WDR11: variants seen among roughly 807,000 people sequenced by gnomAD.
WDR11 encodes WD repeat-containing protein 11.
WDR11 carries 83 observed loss-of-function variants against 151.2 expected under a neutral mutation model. The ratio of observed to expected loss-of-function variants is 0.55; its 90% CI spans 0.46 to 0.66. The LOEUF (loss-of-function observed/expected upper bound fraction) is 0.66, where lower values mean the gene tolerates loss of function less well. Ranked by LOEUF, WDR11 falls within the 30% of genes least tolerant of loss-of-function variation. The pLI is 0.00. For synonymous variants in WDR11, 484 were observed against 533.1 expected, an observed-to-expected ratio of 0.91 and a Z score of 1.27; for missense variants, 1,301 against 1,480.9, an observed-to-expected ratio of 0.88 and a Z score of 1.99.
chr10:120,862,076 G>T (rs1014634287), intron 4 of WDR11, among the ~76,000 whole-genome samples: 9 of 151,590 alleles, frequency 5.9e-5, no homozygotes, highest in African/African-American at 9.7e-5. Flanking sequence ...CTTAAGTATG[G>T]TTTTTTGTTT....
chr10:120,859,910 C>T (rs1304045799), intron 3 of WDR11, among the ~76,000 whole-genome samples, 199 bp from the exon 4 acceptor site: 2 of 151,748 alleles, frequency 1.3e-5, no homozygotes, highest in Non-Finnish European at 2.9e-5. Flanking sequence ...TTTAACCAGA[C>T]AACTTATTTT....
At chr10:120,907,556 C>G (rs2133821052) in intron 28 of WDR11, 1 of 150,878 alleles carries the variant, frequency 6.6e-6, no homozygotes, top group Non-Finnish European at 1.5e-5. Context: ...ATGGCAGGTA[C>G]TTGGTTCTCT....
In WDR11 at chr10:120,900,107, A is replaced by T. The variant is rs1200061545; in HGVS notation, c.2594A>T (p.Asn865Ile). The change falls in exon 20 of 29, where the codon AAT becomes ATT. Residue 865 changes from asparagine to isoleucine, a missense_variant. By Grantham distance (149) the Asn-to-Ile change is moderately radical (BLOSUM62 -3). Coordinates refer to ENST00000263461, the MANE Select transcript of WDR11 (RefSeq NM_018117.12). The stretch of plus-strand genomic sequence containing the variant: ...GCCTTCTTATTACACCAGCCTTGGA[A>T]TGGACAGTATTCTTTGGACATTTCT... ...LKAFLLHQPW[N>I]GQYSLDISHV... The T allele has an allele frequency of 1.2e-6, 2 of 1,613,870 alleles. No individual in the cohort carries two copies. The highest frequency in any genetic ancestry group is 8.5e-7 in the Non-Finnish European group (1 of 1,179,758).
rs1474540530 is a variant in WDR11 at position 120,866,580 on chromosome 10, G to T, written c.1006G>T (p.Val336Phe). The change falls in exon 8 of 29, where the codon GTT becomes TTT. Residue 336 changes from valine (V) to phenylalanine (F), a missense_variant. Val to Phe is a conservative substitution (Grantham distance 50). Around this residue, in one of 3 missense-constraint regions of WDR11, gnomAD observed 692 missense variants for 762.5 expected, o/e 0.91. Transcript: ENST00000263461. ...TSNEEPDPDP[V>F]QELTYDLRSQ... ...AATTTTATGTGAAGATCCAGATCCA[G>T]TTCAGGAGCTTACCTATGATTTACG... 1.2e-6 allele frequency: 2 copies of T among 1,614,100 alleles called. No individual in the cohort carries two copies. Among genetic ancestry groups the T allele is most frequent in the East Asian group, 4.5e-5 (2 of 44,874 alleles).
chr10:120,880,656 C>CAAAA, intron 12 of WDR11, 170 bp from the exon 13 acceptor site: 1 of 535,074 alleles, frequency 1.9e-6, no homozygotes, highest in Non-Finnish European at 3.2e-6. Context: ...GAGACCATCT[C>CAAAA]AAAAAAAAAA....
At chr10:120,875,095 T>A (rs1439305284) in intron 11 of WDR11, among the ~76,000 whole-genome samples, 2 of 152,198 alleles carry the variant, frequency 1.3e-5, no homozygotes, top group Non-Finnish European at 2.9e-5. Context: ...GTTAGTCTGC[T>A]GAGAATGATG....
chr10:120,907,551 A>C (rs907009628), intron 28 of WDR11: 11 of 151,122 alleles, frequency 7.3e-5, no homozygotes, highest in Non-Finnish European at 1.2e-4. Flanking sequence ...TCTACATGGC[A>C]GGTACTTGGT....
chr10:120,852,382 T>A, intron 1 of WDR11, 142 bp from the exon 2 acceptor site: 1 of 689,628 alleles, frequency 1.5e-6, no homozygotes. Flanking sequence ...AGTGGGATAA[T>A]GATAAATACT....
rs555298567 is a variant in WDR11, at chr10:120,903,162, C to T, written c.2861C>T (p.Ala954Val). The part of the protein sequence containing the change: ...SASTTAPKEA[A>V]PRDKLSNPLD... ...AGCACAACAGCTCCTAAAGAAGCTG[C>T]TCCTCGAGACAAACTGAGCAACCCA... The change falls in exon 23 of 29, where the codon GCT (alanine) becomes GTT (valine). Residue 954 changes from alanine (A) to valine (V), a missense_variant. By Grantham distance (64) the Ala-to-Val change is moderately conservative. Around this residue, in one of 3 missense-constraint regions of WDR11, gnomAD observed 589 missense variants for 670.6 expected, o/e 0.88. Coordinates refer to ENST00000263461, the MANE Select transcript of WDR11 (RefSeq NM_018117.12). The T allele has an allele frequency of 1.7e-5, 28 of 1,614,222 alleles. No homozygotes were observed. In the Admixed American group the frequency reaches 2.7e-4, roughly 15 times the overall value.
chr10:120,884,530 A>G (rs908608569), intron 14 of WDR11, among the ~76,000 whole-genome samples: 9 of 152,142 alleles, frequency 5.9e-5, no homozygotes, highest in Non-Finnish European at 1.2e-4. Flanking sequence ...AAAGCTATAA[A>G]ATTGAATATA....
intron 28 of WDR11, chr10:120,907,540 T>TTCTACATGGCAGGTACTTGG (rs1848101162): frequency 6.6e-6 from 1 of 152,408 alleles, no homozygotes; most frequent in East Asian, 1.9e-4. Context: ...TTGCTCTCAT[T>TTCTACATGGCAGGTACTTGG]TCTACATGGC....
intron 6 of WDR11, 98 bp downstream of exon 6, chr10:120,865,310 C>T (rs1846274358): frequency 1.6e-6 from 2 of 1,242,714 alleles, no homozygotes; most frequent in Admixed American, 3.8e-5. Context: ...CAGTTCTCCA[C>T]TTTCTCTTTT....
At chr10:120,870,669 TAAG>T in intron 9 of WDR11, among the ~76,000 whole-genome samples, 1 of 152,348 alleles carries the variant, frequency 6.6e-6, no homozygotes, top group Middle Eastern at 3.4e-3. Context: ...ACTGACACAT[TAAG>T]GTTTCTTATT....
At chr10:120,890,160 A>G (rs983597805) in intron 18 of WDR11, 151 bp downstream of exon 18, 8 of 607,142 alleles carry the variant, frequency 1.3e-5, no homozygotes. Context: ...ACTTTACAGT[A>G]TTTGTGTTCT....
chr10:120,865,342 A>G, intron 6 of WDR11, 130 bp downstream of exon 6: 1 of 974,122 alleles, frequency 1.0e-6, no homozygotes, highest in Non-Finnish European at 1.5e-6. Flanking sequence ...AAGACTAGCA[A>G]CACTATTTTA....
chr10:120,860,150 C>G lies in WDR11; in HGVS notation c.394C>G (p.Leu132Val), dbSNP rs200398973. 59 of 1,614,040 alleles carry G rather than the reference C, an allele frequency of 3.7e-5. No homozygotes were observed. Among genetic ancestry groups the G allele is most frequent in the Admixed American group, 1.7e-5 (1 of 60,004 alleles). The change falls in exon 4 of 29, where the codon CTG (leucine) becomes GTG (valine). Residue 132 changes from leucine to valine, a missense_variant. By Grantham distance (32) the Leu-to-Val change is conservative (BLOSUM62 1). This residue lies in a region of WDR11 where 692 missense variants were observed against 762.5 expected (regional missense o/e 0.91). Coordinates refer to ENST00000263461, the MANE Select transcript of WDR11 (RefSeq NM_018117.12). ...GAATCAAGATGCTTCCCGCGATTTA[C>G]TGCTTGCTATCCACCCGCCAAATTA... is the stretch of plus-strand genomic sequence containing the variant. ...LWNQDASRDL[L>V]LAIHPPNYIV...
Position 120,865,197 on chromosome 10 carries a change from A to C in WDR11, c.864A>C (p.Gly288=). The change falls in exon 6 of 29, where the codon GGA becomes GGC. Residue 288 remains glycine, a synonymous_variant. Coordinates refer to ENST00000263461, the MANE Select transcript of WDR11 (RefSeq NM_018117.12). ...TVGVIAIERT[G]VPFLQVIPCF... ...GTGTGATTGCAATAGAACGCACAGGAGTTCCATTTTTACAGGTATCTACAA... is the reference window on the plus strand; with the variant it reads ...GTGTGATTGCAATAGAACGCACAGGCGTTCCATTTTTACAGGTATCTACAA... 2 of 1,613,886 alleles carry C rather than the reference A, an allele frequency of 1.2e-6. No individual in the cohort carries two copies. The highest frequency in any genetic ancestry group is 1.7e-6 in the Non-Finnish European group (2 of 1,179,802).
chr10:120,908,814 G>T lies in WDR11; in HGVS notation c.*101G>T. On this transcript the variant is annotated 3_prime_UTR_variant, in exon 29 of 29. Coordinates refer to ENST00000263461, the MANE Select transcript of WDR11 (RefSeq NM_018117.12). ...AGTCCAGGATGAAGAGGAGTACAGG[G>T]TCCTGTGAGCTGTTTGACCACTGTT... The T allele has an allele frequency of 7.5e-7, 1 of 1,337,858 alleles. No individual in the cohort carries two copies. The allele number at this position is 1,337,858 out of a possible 1,614,324, so 82.9% of individuals were successfully genotyped here. A position where few individuals can be genotyped will look rare whatever the true frequency, so the allele number is the denominator to read the frequency against.
intron 19 of WDR11, among the ~76,000 whole-genome samples, chr10:120,894,796 C>T (rs1419805082): frequency 6.6e-6 from 1 of 152,190 alleles, no homozygotes; most frequent in Non-Finnish European, 1.5e-5. Flanking sequence ...CTTTTGCATT[C>T]TAATTGTGTA....
Sources: gnomAD v4.1 joint callset for allele counts (sites outside exome capture counted in the v4.1 genomes callset) on GRCh38, gnomAD v4.1.1 for gene constraint, gnomAD v4.1.1 regional missense constraint, MANE v1.5 for transcripts, NCBI Gene and HGNC (gene_info 2026-07-23, HGNC 2026-07-21) for gene names.